PPARGC1A: variants seen among roughly 807,000 people sequenced by gnomAD.
PPARGC1A encodes PPARG coactivator 1 alpha.
PPARGC1A carries 25 observed loss-of-function variants against 88.7 expected under a neutral mutation model. The ratio of observed to expected loss-of-function variants is 0.28; its 90% CI spans 0.21 to 0.39. The LOEUF (loss-of-function observed/expected upper bound fraction) is 0.39. Among genes scored for constraint, PPARGC1A ranks in the 10% least tolerant of loss-of-function variants. The pLI is 1.00. For synonymous variants in PPARGC1A, 363 were observed against 355.6 expected, an observed-to-expected ratio of 1.02 and a Z score of -0.24; for missense variants, 880 against 968.7, an observed-to-expected ratio of 0.91 and a Z score of 1.22.
chr4:24,044,052 T>C, the PPARGC1A span, among the ~76,000 whole-genome samples: 1 of 152,174 alleles, frequency 6.6e-6, no homozygotes, highest in South Asian at 2.1e-4. Context: ...TGGCTTTCAC[T>C]TAACAAAGAG....
the PPARGC1A span, among the ~76,000 whole-genome samples, chr4:24,278,914 T>C: frequency 3.3e-5 from 5 of 152,116 alleles, no homozygotes; most frequent in Admixed American, 3.3e-4. Flanking sequence ...TCACTCTTAC[T>C]CACCAGAAAG....
At chr4:24,408,386 G>A in the PPARGC1A span, among the ~76,000 whole-genome samples, 1 of 151,332 alleles carries the variant, frequency 6.6e-6, no homozygotes, top group African/African-American at 2.4e-5. Flanking sequence ...AATAGCAACA[G>A]TTCAAATTGG....
chr4:23,960,787 C>G, the PPARGC1A span, among the ~76,000 whole-genome samples: 863 of 152,188 alleles, frequency 5.7e-3, 44 homozygotes, highest in East Asian at 0.092. Context: ...TCGGGCTCCC[C>G]TTAATCTGCC....
the PPARGC1A span, among the ~76,000 whole-genome samples, chr4:23,955,782 C>T: frequency 6.6e-6 from 1 of 152,036 alleles, no homozygotes; most frequent in Admixed American, 6.6e-5. Flanking sequence ...CTTCATTTTA[C>T]AAGTAAGAAA....
the PPARGC1A span, among the ~76,000 whole-genome samples, chr4:23,929,830 C>T: frequency 6.6e-6 from 1 of 152,172 alleles, no homozygotes; most frequent in African/African-American, 2.4e-5. Context: ...ATACCTGCCA[C>T]CTTTTATTTA....
the PPARGC1A span, among the ~76,000 whole-genome samples, chr4:23,919,766 A>G: frequency 6.6e-6 from 1 of 152,170 alleles, no homozygotes; most frequent in Admixed American, 6.5e-5. Flanking sequence ...TTATTGACAG[A>G]ATGTTCTCCC....
the PPARGC1A span, among the ~76,000 whole-genome samples, chr4:24,113,362 G>C: frequency 6.6e-6 from 1 of 151,778 alleles, no homozygotes; most frequent in East Asian, 2.0e-4. Flanking sequence ...TTTTAGCCCA[G>C]AGACAGTGAT....
chr4:24,420,764 C>T, the PPARGC1A span, among the ~76,000 whole-genome samples: 1 of 152,126 alleles, frequency 6.6e-6, no homozygotes, highest in African/African-American at 2.4e-5. Context: ...ACCGGGGTAG[C>T]GTTCCCAGAT....
chr4:24,460,876 C>T, the PPARGC1A span, among the ~76,000 whole-genome samples: 1 of 152,182 alleles, frequency 6.6e-6, no homozygotes, highest in Non-Finnish European at 1.5e-5. Context: ...AATAAAACTT[C>T]ATCTTTGATT....
chr4:24,418,235 C>T, the PPARGC1A span, among the ~76,000 whole-genome samples: 6 of 152,074 alleles, frequency 3.9e-5, no homozygotes, highest in African/African-American at 1.4e-4. Context: ...TAGAACTTGG[C>T]GTCTGAGGTT....
At chr4:24,467,525 G>A in the PPARGC1A span, among the ~76,000 whole-genome samples, 4 of 151,938 alleles carry the variant, frequency 2.6e-5, no homozygotes, top group East Asian at 7.7e-4. Context: ...ACCACTTTAA[G>A]AATTATGAAA....
At chr4:24,068,499 T>C in the PPARGC1A span, among the ~76,000 whole-genome samples, 1 of 152,150 alleles carries the variant, frequency 6.6e-6, no homozygotes, top group Non-Finnish European at 1.5e-5. Context: ...AATTGCAAAC[T>C]CATTCTGTAT....
chr4:24,051,796 A>G, the PPARGC1A span, among the ~76,000 whole-genome samples: 2 of 152,134 alleles, frequency 1.3e-5, no homozygotes, highest in Non-Finnish European at 2.9e-5. Context: ...TGAAAGCTAA[A>G]AATGAATAGA....
chr4:23,886,442 G>T (rs1023722917), intron 1 of PPARGC1A, among the ~76,000 whole-genome samples: 1 of 152,018 alleles, frequency 6.6e-6, no homozygotes, highest in Non-Finnish European at 1.5e-5. Flanking sequence ...GGGGAGGATG[G>T]GGGGAGACTG....
At chr4:23,868,978 CTCCTT>C (rs1244940935) in intron 2 of PPARGC1A, among the ~76,000 whole-genome samples, 2 of 152,190 alleles carry the variant, frequency 1.3e-5, no homozygotes, top group African/African-American at 4.8e-5. Context: ...CATGGATACT[CTCCTT>C]TCCACTGCTT....
chr4:24,398,560 T>G, the PPARGC1A span, among the ~76,000 whole-genome samples: 10 of 152,238 alleles, frequency 6.6e-5, no homozygotes, highest in Non-Finnish European at 1.2e-4. Flanking sequence ...CATTCTAAAT[T>G]TATTTACCAT....
At chr4:24,470,320 ACACACTCT>A in the PPARGC1A span, among the ~76,000 whole-genome samples, 3 of 120,674 alleles carry the variant, frequency 2.5e-5, no homozygotes, top group African/African-American at 5.6e-5. This position sits in a 1 kb window ranked among gnomAD's most constrained non-coding sequence, Gnocchi z 5.8. Context: ...ACACACACAC[ACACACTCT>A]CTCACACAGG....
chr4:23,858,943 A>T (rs1474063381), intron 2 of PPARGC1A, among the ~76,000 whole-genome samples: 1 of 149,216 alleles, frequency 6.7e-6, no homozygotes, highest in Admixed American at 6.7e-5. Context: ...TTTAAAGTGT[A>T]AATTTATATT....
the PPARGC1A span, among the ~76,000 whole-genome samples, chr4:24,213,756 A>T: frequency 6.6e-6 from 1 of 152,346 alleles, no homozygotes; most frequent in South Asian, 2.1e-4. Flanking sequence ...AGAAGGAGAG[A>T]GAAAAAGGAA....
Sources: gnomAD v4.1 joint callset for allele counts (sites outside exome capture counted in the v4.1 genomes callset) on GRCh38, gnomAD v4.1.1 for gene constraint, Gnocchi (gnomAD v3.1) non-coding constraint, MANE v1.5 for transcripts, NCBI Gene and HGNC (gene_info 2026-07-23, HGNC 2026-07-21) for gene names.